The following KCNMA1 variants were observed in gnomAD, a reference collection of about 807,000 sequenced individuals.
The protein encoded by KCNMA1 is Calcium-activated potassium channel subunit alpha-1.
Under a neutral mutation model 140.0 loss-of-function variants are expected in KCNMA1, and 29 were observed. The ratio of observed to expected loss-of-function variants is 0.21; its 90% CI spans 0.15 to 0.28. The LOEUF (loss-of-function observed/expected upper bound fraction) is 0.28. Among genes scored for constraint, KCNMA1 ranks in the 10% least tolerant of loss-of-function variants. The pLI is 1.00. For missense variants in KCNMA1, 880 were observed against 1,602.2 expected (o/e 0.55, Z 7.70); for synonymous variants, 612 against 611.9 (o/e 1.00, Z 0.00).
intron 2 of KCNMA1, among the ~76,000 whole-genome samples, chr10:77,289,791 G>T (rs2072515658): frequency 6.6e-6 from 1 of 152,092 alleles, no homozygotes; most frequent in South Asian, 2.1e-4. Flanking sequence ...GAAATAGATG[G>T]CCTACTATGC....
chr10:77,281,265 C>T (rs1299241232), intron 2 of KCNMA1, among the ~76,000 whole-genome samples: 1 of 152,182 alleles, frequency 6.6e-6, no homozygotes, highest in Non-Finnish European at 1.5e-5. Flanking sequence ...CCTTAGGAAG[C>T]CCTTAGGAAG....
chr10:77,574,985 C>T (rs1318837591), intron 1 of KCNMA1, among the ~76,000 whole-genome samples: 1 of 152,202 alleles, frequency 6.6e-6, no homozygotes, highest in Admixed American at 6.5e-5. Flanking sequence ...CGTACCACCA[C>T]CCTTTGTTCC....
chr10:77,171,217 G>T (rs544772438), intron 5 of KCNMA1, among the ~76,000 whole-genome samples: 1 of 152,246 alleles, frequency 6.6e-6, no homozygotes, highest in Non-Finnish European at 1.5e-5. Flanking sequence ...AAACTCTGGG[G>T]ATGGAACACC....
At position 77,462,848 on chromosome 10, in the gene KCNMA1, A is replaced by C. The variant is rs545189141; in HGVS notation, c.379-58825T>G. Among the ~76,000 whole-genome samples, 4 of 152,136 alleles carry C rather than the reference A, an allele frequency of 2.6e-5. No individual in the cohort carries two copies. In the East Asian group the frequency reaches 7.8e-4, roughly 29 times the overall value. On this transcript the variant is annotated intron_variant, in intron 1 of 27. Transcript: ENST00000286628. ...GCCGGTGCTGCCTCTATCACCTCTG[A>C]GTTTCCAAGCCATACTCTCTCACCC... is the stretch of plus-strand genomic sequence containing the variant.
Position 76,920,049 on chromosome 10 carries a change from TATAC to T in KCNMA1, c.2903-5004_2903-5001del, listed in dbSNP as rs756537180. On this transcript the variant is annotated intron_variant, in intron 23 of 27. Transcript: ENST00000286628. Reference sequence around the variant, plus strand: ...ATATATATATATATATATATATATATATACACACAATATTCCTTATGTGATCATA... The same window carrying T: ...ATATATATATATATATATATATATATACACAATATTCCTTATGTGATCATA... Among the ~76,000 whole-genome samples, 364 of 119,086 alleles carry T rather than the reference TATAC, an allele frequency of 3.1e-3. 42 individuals carry two copies. In the Middle Eastern group the frequency reaches 0.043, roughly 14 times the overall value. 78.1% of individuals were successfully genotyped at this position (119,086 alleles called of 152,430 possible).
intron 1 of KCNMA1, among the ~76,000 whole-genome samples, chr10:77,595,091 A>G (rs992023748): frequency 3.9e-5 from 6 of 152,216 alleles, no homozygotes; most frequent in Non-Finnish European, 8.8e-5. Flanking sequence ...CACGCCCGTA[A>G]TCCCAGCACT....
At chr10:76,958,437 A>G (rs1222163576) in intron 20 of KCNMA1, among the ~76,000 whole-genome samples, 1 of 152,170 alleles carries the variant, frequency 6.6e-6, no homozygotes, top group Non-Finnish European at 1.5e-5. Flanking sequence ...GGGTAATAGA[A>G]ACTCTATGAT....
intron 5 of KCNMA1, among the ~76,000 whole-genome samples, chr10:77,128,878 C>T (rs548358606): frequency 6.6e-5 from 10 of 152,222 alleles, no homozygotes; most frequent in East Asian, 1.9e-4. Context: ...AGTGGGTCTC[C>T]GATGGGGCCT....
At chr10:77,219,857 A>G (rs535368582) in intron 3 of KCNMA1, among the ~76,000 whole-genome samples, 2 of 152,334 alleles carry the variant, frequency 1.3e-5, no homozygotes, top group East Asian at 1.9e-4. Context: ...CATCACTAAC[A>G]TGGTAACTCA....
At chr10:77,244,537 T>C (rs751263665) in intron 3 of KCNMA1, among the ~76,000 whole-genome samples, 2 of 152,208 alleles carry the variant, frequency 1.3e-5, no homozygotes, top group Admixed American at 6.5e-5. Context: ...AGGGTGCTAA[T>C]GCTCTGAACT....
chr10:77,229,621 G>A (rs1377627492), intron 3 of KCNMA1, among the ~76,000 whole-genome samples: 1 of 152,134 alleles, frequency 6.6e-6, no homozygotes, highest in Non-Finnish European at 1.5e-5. Context: ...GGGAGATCTG[G>A]ATTTGAACCC....
intron 5 of KCNMA1, among the ~76,000 whole-genome samples, chr10:77,122,525 C>A (rs1296382711): frequency 1.3e-5 from 2 of 151,500 alleles, no homozygotes; most frequent in African/African-American, 2.4e-5. Flanking sequence ...AAGAAGTCAC[C>A]TCAGAAAGCA....
intron 5 of KCNMA1, among the ~76,000 whole-genome samples, chr10:77,136,423 T>A (rs2098029954): frequency 6.6e-6 from 1 of 152,156 alleles, no homozygotes; most frequent in Admixed American, 6.5e-5. Context: ...ATTTGTTTAA[T>A]GGGTTTAGAG....
chr10:77,094,139 G>A (rs2096875601), intron 9 of KCNMA1, among the ~76,000 whole-genome samples: 1 of 152,196 alleles, frequency 6.6e-6, no homozygotes, highest in African/African-American at 2.4e-5. Context: ...AAATTAGGAT[G>A]TAACCAATAT....
At chr10:77,549,326 G>A (rs537791208) in intron 1 of KCNMA1, among the ~76,000 whole-genome samples, 3 of 152,322 alleles carry the variant, frequency 2.0e-5, no homozygotes, top group Admixed American at 2.0e-4. Context: ...AGTAAGGCCA[G>A]GACCCTTCAG....
chr10:77,477,559 T>C (rs2098304770), intron 1 of KCNMA1, among the ~76,000 whole-genome samples: 1 of 152,182 alleles, frequency 6.6e-6, no homozygotes, highest in Non-Finnish European at 1.5e-5. Flanking sequence ...GATCCTGAAG[T>C]TGCATCTTGG....
chr10:77,036,964 G>T (rs12245071), intron 15 of KCNMA1, among the ~76,000 whole-genome samples: 2,396 of 152,216 alleles, frequency 0.016, 86 homozygotes, highest in African/African-American at 0.054. Flanking sequence ...CTGTATCATT[G>T]TATTAAACGA....
At chr10:77,236,276 G>A (rs189229748) in intron 3 of KCNMA1, among the ~76,000 whole-genome samples, 24 of 152,288 alleles carry the variant, frequency 1.6e-4, no homozygotes, top group African/African-American at 5.8e-4. Flanking sequence ...CCAGACTCTG[G>A]CCTATGTACT....
At chr10:77,504,899 A>G (rs564446508) in intron 1 of KCNMA1, among the ~76,000 whole-genome samples, 1 of 152,316 alleles carries the variant, frequency 6.6e-6, no homozygotes, top group African/African-American at 2.4e-5. Context: ...CTCCAGGAAA[A>G]TGTGCCATGA....
Sources: allele counts gnomAD v4.1 joint callset (sites outside exome capture counted in the v4.1 genomes callset), GRCh38; gene constraint gnomAD v4.1.1; transcripts MANE v1.5; gene names NCBI Gene and HGNC (gene_info 2026-07-23, HGNC 2026-07-21).